MGAT4A: variants seen among roughly 807,000 people sequenced by gnomAD.
MGAT4A encodes N-acetylglucosaminyltransferase IVa.
MGAT4A carries 33 observed loss-of-function variants against 74.1 expected under a neutral mutation model. The ratio of observed to expected loss-of-function variants is 0.45; its 90% CI spans 0.34 to 0.60. MGAT4A has a LOEUF of 0.60. MGAT4A is among the 20% of genes least tolerant of loss of function. The probability of loss-of-function intolerance (pLI) is 0.02; values close to 1 mark genes in which losing one functional copy is unlikely to be tolerated. For synonymous variants in MGAT4A, 198 were observed against 210.4 expected (o/e 0.94, Z 0.51); for missense variants, 479 against 628.3 (o/e 0.76, Z 2.54).
intron 4 of MGAT4A, among the ~76,000 whole-genome samples, chr2:98,667,756 G>C: frequency 6.6e-6 from 1 of 151,900 alleles, no homozygotes; most frequent in East Asian, 1.9e-4. Flanking sequence ...TTTCGATCTT[G>C]TGGCCCAGGC....
intron 8 of MGAT4A, among the ~76,000 whole-genome samples, chr2:98,650,635 A>C (rs368187894): frequency 7.2e-5 from 11 of 152,166 alleles, no homozygotes; most frequent in South Asian, 4.1e-4. Context: ...CAAGAATATT[A>C]TATCTGACAA....
intron 8 of MGAT4A, among the ~76,000 whole-genome samples, chr2:98,650,430 C>A (rs1472468179): frequency 6.6e-6 from 1 of 151,990 alleles, no homozygotes; most frequent in East Asian, 1.9e-4. Context: ...TGATCTACAC[C>A]AAGAAGAATC....
rs1166909271 is a variant in MGAT4A, at chr2:98,619,896, C to CA, written c.*5669dup. 2 of 152,098 alleles carry CA rather than the reference C, an allele frequency of 1.3e-5. No homozygotes were observed. The highest frequency in any genetic ancestry group is 4.8e-5 in the African/African-American group (2 of 41,400). 9.4% of individuals were successfully genotyped at this position (152,098 alleles called of 1,614,324 possible). A position where few individuals can be genotyped will look rare whatever the true frequency, so the allele number is the denominator to read the frequency against. ...CTTCATTTCAGAACAATTTTAGCAC[C>CA]ACTTTTTTTTTTCCACAATTTTGAC... On this transcript the variant is annotated 3_prime_UTR_variant, in exon 16 of 16. Coordinates refer to ENST00000393487, the MANE Select transcript of MGAT4A (RefSeq NM_012214.3).
intron 8 of MGAT4A, among the ~76,000 whole-genome samples, chr2:98,646,020 G>C (rs759912062): frequency 6.6e-6 from 1 of 151,972 alleles, no homozygotes; most frequent in Non-Finnish European, 1.5e-5. Flanking sequence ...GCTATTTTAC[G>C]TATATTACAG....
At chr2:98,670,715 G>A (rs972024375) in intron 4 of MGAT4A, among the ~76,000 whole-genome samples, 7 of 151,488 alleles carry the variant, frequency 4.6e-5, no homozygotes, top group African/African-American at 7.3e-5. Flanking sequence ...CTGCCTAGTT[G>A]CCCTTTCTCT....
chr2:98,645,775 G>A (rs1382217409), intron 8 of MGAT4A, among the ~76,000 whole-genome samples: 2 of 152,140 alleles, frequency 1.3e-5, no homozygotes, highest in Non-Finnish European at 2.9e-5. Context: ...TAACAATGAG[G>A]AAAATGAGGA....
intron 2 of MGAT4A, among the ~76,000 whole-genome samples, chr2:98,679,641 T>C (rs1168407253): frequency 6.6e-6 from 1 of 151,926 alleles, no homozygotes; most frequent in Non-Finnish European, 1.5e-5. Flanking sequence ...CAAAAAACAG[T>C]AGAATAAAAA....
At chr2:98,697,280 A>G (rs1312315237) in intron 2 of MGAT4A, among the ~76,000 whole-genome samples, 1 of 152,210 alleles carries the variant, frequency 6.6e-6, no homozygotes, top group Non-Finnish European at 1.5e-5. Flanking sequence ...CGTCACGCAG[A>G]ATAAAAAATT....
At chr2:98,645,731 G>A (rs897022457) in intron 8 of MGAT4A, among the ~76,000 whole-genome samples, 189 bp from the exon 9 acceptor site, 1 of 152,124 alleles carries the variant, frequency 6.6e-6, no homozygotes, top group Non-Finnish European at 1.5e-5. Flanking sequence ...GAAATACATC[G>A]TAAGTCAACT....
In MGAT4A at chr2:98,625,731, G is replaced by T; in HGVS notation, c.1573C>A (p.Leu525Ile). ...VIQNSAVWAI[L>I]NEIHIKKATN The stretch of plus-strand genomic sequence containing the variant: ...ATTTGATATATGCTTACCTCATTAA[G>T]AATGGCCCAAACAGCAGAATTCTGA... Residue 525 changes from leucine to isoleucine, a missense_variant, in exon 15 of 16, where the codon CTT (leucine) becomes ATT (isoleucine). Coordinates refer to ENST00000393487, the MANE Select transcript of MGAT4A (RefSeq NM_012214.3). The T allele has an allele frequency of 6.2e-7, 1 of 1,609,422 alleles. No individual in the cohort carries two copies. Among genetic ancestry groups the T allele is most frequent in the Admixed American group, 1.7e-5 (1 of 59,932 alleles).
intron 2 of MGAT4A, among the ~76,000 whole-genome samples, chr2:98,702,164 C>T (rs1406484934): frequency 3.3e-5 from 5 of 152,206 alleles, no homozygotes; most frequent in Non-Finnish European, 7.3e-5. Context: ...CTTTTCCTGC[C>T]AAGAGCTGCC....
intron 13 of MGAT4A, among the ~76,000 whole-genome samples, chr2:98,635,699 A>C (rs1318683424): frequency 6.6e-6 from 1 of 152,176 alleles, no homozygotes; most frequent in Non-Finnish European, 1.5e-5. Context: ...CACTAAAGAA[A>C]ACAATGATTC....
At chr2:98,629,021 T>G (rs1701186481) in intron 14 of MGAT4A, among the ~76,000 whole-genome samples, 1 of 152,224 alleles carries the variant, frequency 6.6e-6, no homozygotes, top group Non-Finnish European at 1.5e-5. Flanking sequence ...AAATCTGAAT[T>G]TTATATAATT....
chr2:98,709,439 G>A (rs1452678963), intron 2 of MGAT4A, among the ~76,000 whole-genome samples: 3 of 152,058 alleles, frequency 2.0e-5, no homozygotes, highest in Non-Finnish European at 2.9e-5. Flanking sequence ...TAGGGAGAAT[G>A]TTGCAGAATT....
Position 98,623,594 on chromosome 2 carries a change from A to G in MGAT4A, c.*1972T>C. ...ATTTGAGAAGAAAAAAATTCAAGAAAGTGAAAAGTAAATTTAAAACATCCT... is the reference window on the plus strand; with the variant it reads ...ATTTGAGAAGAAAAAAATTCAAGAAGGTGAAAAGTAAATTTAAAACATCCT... On this transcript the variant is annotated 3_prime_UTR_variant, in exon 16 of 16. Transcript: ENST00000393487. The G allele has an allele frequency of 3.0e-6, 3 of 985,316 alleles. No homozygotes were observed. Among genetic ancestry groups the G allele is most frequent in the Non-Finnish European group, 3.6e-6 (3 of 829,806 alleles). 61.0% of individuals were successfully genotyped at this position (985,316 alleles called of 1,614,324 possible). A position where few individuals can be genotyped will look rare whatever the true frequency, so the allele number is the denominator to read the frequency against.
chr2:98,639,722 G>C, intron 12 of MGAT4A, 86 bp downstream of exon 12: 1 of 1,250,432 alleles, frequency 8.0e-7, no homozygotes. Context: ...ACATCTGTCA[G>C]GCACACACAC....
chr2:98,723,288 T>TTGCGCCAGCAGCA (rs1203451130), intron 2 of MGAT4A, among the ~76,000 whole-genome samples: 1 of 152,090 alleles, frequency 6.6e-6, no homozygotes, highest in African/African-American at 2.4e-5. Context: ...AAGGTGCAAC[T>TTGCGCCAGCAGCA]TGCGCCAGCA....
chr2:98,713,465 AC>A (rs1445164985), intron 2 of MGAT4A, among the ~76,000 whole-genome samples: 3 of 151,348 alleles, frequency 2.0e-5, no homozygotes, highest in African/African-American at 4.8e-5. Flanking sequence ...AAAAAAAAAA[AC>A]AAACAAACCC....
intron 4 of MGAT4A, among the ~76,000 whole-genome samples, chr2:98,673,233 T>C (rs1369600297): frequency 1.3e-5 from 2 of 152,056 alleles, no homozygotes; most frequent in Non-Finnish European, 2.9e-5. Context: ...CTAAGTGCTG[T>C]TCCCTAATTA....
Sources: gnomAD v4.1 joint callset for allele counts (sites outside exome capture counted in the v4.1 genomes callset) on GRCh38, gnomAD v4.1.1 for gene constraint, MANE v1.5 for transcripts, NCBI Gene and HGNC (gene_info 2026-07-23, HGNC 2026-07-21) for gene names.